Variants in COPS2 observed in about 807,000 individuals in gnomAD.
The protein encoded by COPS2 is COP9 signalosome subunit 2, also known as COP9 signalosome complex subunit 2.
In COPS2, 10 loss-of-function variants were observed where a neutral mutation model predicts 66.1. The ratio of observed to expected loss-of-function variants is 0.15; its 90% CI spans 0.09 to 0.26. The LOEUF (loss-of-function observed/expected upper bound fraction) is 0.26. Ranked by LOEUF, COPS2 falls within the 10% of genes least tolerant of loss-of-function variation. COPS2 has a pLI of 1.00. For missense variants in COPS2, 215 were observed against 513.3 expected (o/e 0.42, Z 5.62); for synonymous variants, 179 against 171.3 (o/e 1.04, Z -0.35).
At chr15:49,150,798 A>C (rs900589766) in intron 1 of COPS2, among the ~76,000 whole-genome samples, 1 of 152,288 alleles carries the variant, frequency 6.6e-6, no homozygotes, top group South Asian at 2.1e-4. Context: ...AAAAATAACT[A>C]TTGGATACTT....
At chr15:49,143,730 T>G (rs1047908761) in intron 3 of COPS2, among the ~76,000 whole-genome samples, 6 of 152,202 alleles carry the variant, frequency 3.9e-5, no homozygotes, top group African/African-American at 1.4e-4. Flanking sequence ...CTCACGCCTG[T>G]AATCCTAGCA....
intron 1 of COPS2, among the ~76,000 whole-genome samples, chr15:49,146,044 T>C (rs2084318960): frequency 6.6e-6 from 1 of 152,168 alleles, no homozygotes; most frequent in African/African-American, 2.4e-5. Flanking sequence ...AACAAATTTC[T>C]TTATGAGATA....
At chr15:49,141,357 TGTG>T (rs2084288622) in intron 3 of COPS2, among the ~76,000 whole-genome samples, 1 of 151,782 alleles carries the variant, frequency 6.6e-6, no homozygotes, top group Non-Finnish European at 1.5e-5. Context: ...ATTAGTCAGG[TGTG>T]GTGGCATGCG....
chr15:49,150,243 A>T (rs2084349040), intron 1 of COPS2, among the ~76,000 whole-genome samples: 2 of 122,646 alleles, frequency 1.6e-5, no homozygotes, highest in Admixed American at 7.8e-5. Context: ...GTAAGACTCT[A>T]TCTCAAAAAA....
Position 49,155,531 on chromosome 15 carries a change from G to A in COPS2, c.48C>T (p.Tyr16=), listed in dbSNP as rs1330974589. The A allele has an allele frequency of 6.2e-7, 1 of 1,614,134 alleles. No homozygotes were observed. The highest frequency in any genetic ancestry group is 1.7e-5 in the Admixed American group (1 of 60,034). The part of the protein sequence containing the change: ...DDFMCDDEED[Y]DLEYSEDSNS... ...TCCATTCCCTGCGCCTCACCAGGTC[G>A]TAGTCCTCCTCATCATCGCACATGA... The change falls in exon 1 of 13, where the codon TAC becomes TAT. Residue 16 remains tyrosine, a synonymous_variant. Coordinates refer to ENST00000388901, the MANE Select transcript of COPS2 (RefSeq NM_004236.4).
intron 6 of COPS2, among the ~76,000 whole-genome samples, chr15:49,135,842 T>C (rs1169030497): frequency 2.0e-5 from 3 of 152,344 alleles, no homozygotes; most frequent in African/African-American, 7.2e-5. Flanking sequence ...CTAAGTAATA[T>C]AATGCTATTT....
At chr15:49,147,015 T>C (rs1261682054) in intron 1 of COPS2, among the ~76,000 whole-genome samples, 1 of 152,184 alleles carries the variant, frequency 6.6e-6, no homozygotes, top group East Asian at 1.9e-4. Context: ...TCTCTTCATC[T>C]AGTTAACTAC....
At chr15:49,135,045 T>C (rs1485986643) in intron 6 of COPS2, among the ~76,000 whole-genome samples, 11 of 152,176 alleles carry the variant, frequency 7.2e-5, no homozygotes, top group African/African-American at 2.7e-4. Flanking sequence ...ATAAATCAGG[T>C]ACAGTGAGAC....
In COPS2 at chr15:49,133,826, G is replaced by GA; in HGVS notation, c.895-16dup. On this transcript the variant is annotated splice_polypyrimidine_tract_variant and intron_variant, in intron 8 of 12. Transcript: ENST00000388901. ...TACGGCTTGGCCTAAACACAGTAAA[G>GA]AAAAAAATTAAATATATGTACAAAG... The GA allele has an allele frequency of 1.3e-6, 2 of 1,568,044 alleles. No individual in the cohort carries two copies. Among genetic ancestry groups the GA allele is most frequent in the Non-Finnish European group, 8.6e-7 (1 of 1,162,700 alleles).
chr15:49,126,180 T>C lies in COPS2; in HGVS notation c.*1770A>G, dbSNP rs2084164145. 6.6e-6 allele frequency: 1 copy of C among 152,466 alleles called. No homozygotes were observed. Among genetic ancestry groups the C allele is most frequent in the South Asian group, 2.1e-4 (1 of 4,834 alleles). The allele number at this position is 152,466 out of a possible 1,614,324, so 9.4% of individuals were successfully genotyped here. A position where few individuals can be genotyped will look rare whatever the true frequency, so the allele number is the denominator to read the frequency against. ...TGTAAAAGAGAAAATACACATAATT[T>C]TATAATATCTTAAACTTTTATTCCC... On this transcript the variant is annotated 3_prime_UTR_variant, in exon 13 of 13. Transcript: ENST00000388901.
At chr15:49,129,826 C>T (rs778984055) in intron 10 of COPS2, among the ~76,000 whole-genome samples, 11 of 152,138 alleles carry the variant, frequency 7.2e-5, no homozygotes, top group Non-Finnish European at 1.5e-4. Flanking sequence ...TATTACACTA[C>T]TTATCATTTC....
At chr15:49,135,123 A>T (rs1020515770) in intron 6 of COPS2, among the ~76,000 whole-genome samples, 2 of 152,110 alleles carry the variant, frequency 1.3e-5, no homozygotes, top group Non-Finnish European at 2.9e-5. Context: ...TGTGAATGTG[A>T]TCTCTCTCTC....
At chr15:49,153,879 TG>T (rs1223954478) in intron 1 of COPS2, among the ~76,000 whole-genome samples, 2 of 151,964 alleles carry the variant, frequency 1.3e-5, no homozygotes, top group Non-Finnish European at 2.9e-5. Context: ...AAGGGTGTTG[TG>T]GGGGGAAGAG....
rs752863526 is a variant in COPS2 at position 49,154,476 on chromosome 15, T to C, written c.54+1049A>G. Reference sequence around the variant, plus strand: ...ACTGAAAATATATACGAAAAAGTTATAGACTAATTCAAAACAATGTATTAA... The same window carrying C: ...ACTGAAAATATATACGAAAAAGTTACAGACTAATTCAAAACAATGTATTAA... On this transcript the variant is annotated intron_variant, in intron 1 of 12. Transcript: ENST00000388901. Among the ~76,000 whole-genome samples, 53 of 152,334 alleles carry C rather than the reference T, an allele frequency of 3.5e-4. 1 individual carries two copies. In the Middle Eastern group the frequency reaches 0.01, roughly 29 times the overall value.
At chr15:49,151,965 C>G (rs1296260297) in intron 1 of COPS2, among the ~76,000 whole-genome samples, 1 of 151,690 alleles carries the variant, frequency 6.6e-6, no homozygotes, top group Non-Finnish European at 1.5e-5. Context: ...TGGGGAAGAA[C>G]AAAGTGATTT....
In COPS2 at chr15:49,130,293, G is replaced by A. The variant is rs1392313191; in HGVS notation, c.1045+426C>T. On this transcript the variant is annotated intron_variant, in intron 10 of 12. Transcript: ENST00000388901. Reference sequence around the variant, plus strand: ...TGCTAAAAACCTCATTCACTTACTGGTATGAAACCTTCACAGTGTTGCCTT... The same window carrying A: ...TGCTAAAAACCTCATTCACTTACTGATATGAAACCTTCACAGTGTTGCCTT... 2.6e-5 allele frequency among the ~76,000 whole-genome samples: 4 copies of A among 152,106 alleles called. No homozygotes were observed. In the South Asian group the frequency reaches 8.3e-4, roughly 32 times the overall value.
chr15:49,137,145 G>C lies in COPS2; in HGVS notation c.540+5C>G, dbSNP rs755383167. ...AATATTCAGAAAAAAATAAGGGAAA[G>C]CTACCTGGCACGACTGATGTAACTG... On this transcript the variant is annotated splice_donor_5th_base_variant and intron_variant, in intron 6 of 12. Transcript: ENST00000388901. The C allele has an allele frequency of 5.1e-6, 8 of 1,556,524 alleles. No individual in the cohort carries two copies. Among genetic ancestry groups the C allele is most frequent in the Non-Finnish European group, 6.9e-6 (8 of 1,151,874 alleles).
intron 1 of COPS2, among the ~76,000 whole-genome samples, chr15:49,151,362 T>G (rs1449208104): frequency 6.7e-6 from 1 of 148,568 alleles, no homozygotes; most frequent in Non-Finnish European, 1.5e-5. Context: ...ATCATGCCAC[T>G]GCACTCCAGC....
chr15:49,150,025 T>G (rs529436895), intron 1 of COPS2, among the ~76,000 whole-genome samples: 1 of 152,260 alleles, frequency 6.6e-6, no homozygotes, highest in African/African-American at 2.4e-5. Flanking sequence ...CTGGGCACGG[T>G]GGCTCATGCC....
Sources: gnomAD v4.1 joint callset for allele counts (sites outside exome capture counted in the v4.1 genomes callset) on GRCh38, gnomAD v4.1.1 for gene constraint, MANE v1.5 for transcripts, NCBI Gene and HGNC (gene_info 2026-07-23, HGNC 2026-07-21) for gene names.